TNRC6A: variants seen among roughly 807,000 people sequenced by gnomAD.
TNRC6A encodes trinucleotide repeat-containing gene 6A protein.
A neutral mutation model predicts 221.2 loss-of-function variants in TNRC6A; 44 were observed. The ratio of observed to expected loss-of-function variants is 0.20; its 90% CI spans 0.16 to 0.26. TNRC6A has a LOEUF of 0.26. TNRC6A is among the 10% of genes least tolerant of loss of function. TNRC6A has a pLI of 1.00. For synonymous variants in TNRC6A, 847 were observed against 838.5 expected (o/e 1.01, Z -0.18); for missense variants, 2,199 against 2,404.4 (o/e 0.91, Z 1.79).
chr16:24,823,490 C>G lies in TNRC6A; in HGVS notation c.5572C>G (p.Arg1858Gly). Residue 1858 changes from arginine (R) to glycine (G), a missense_variant, in exon 25 of 25, where the codon CGT becomes GGT. Arg to Gly is a moderately radical substitution (Grantham distance 125). Around this residue, in one of 8 missense-constraint regions of TNRC6A, gnomAD observed 20 missense variants for 25.6 expected, o/e 0.78. Coordinates refer to ENST00000395799, the MANE Select transcript of TNRC6A (RefSeq NM_014494.4). The surrounding 1 kb of genome is among the most constrained non-coding windows in gnomAD (Gnocchi z 4.3). ...GTTTGCCAGTGAAGAGGAGATCAGT[C>G]GTTTCTTTGCACAAAGCCAGTCTCT... is the stretch of plus-strand genomic sequence containing the variant. ...AEFASEEEIS[R>G]FFAQSQSLTP... 6.2e-7 allele frequency: 1 copy of G among 1,614,070 alleles called. No individual in the cohort carries two copies. The highest frequency in any genetic ancestry group is 8.5e-7 in the Non-Finnish European group (1 of 1,179,998).
intron 1 of TNRC6A, among the ~76,000 whole-genome samples, chr16:24,635,072 CTTTT>C (rs1043229792): frequency 6.6e-6 from 1 of 151,234 alleles, no homozygotes; most frequent in African/African-American, 2.4e-5. Flanking sequence ...ACCTTTCTTT[CTTTT>C]TCTTTCTTTC....
chr16:24,623,491 T>C (rs1900792750), intron 1 of TNRC6A, among the ~76,000 whole-genome samples: 1 of 152,148 alleles, frequency 6.6e-6, no homozygotes, highest in African/African-American at 2.4e-5. Flanking sequence ...ATTCTTCATG[T>C]ATCAGCTGGG....
At chr16:24,786,615 G>A (rs1039296125) in intron 5 of TNRC6A, among the ~76,000 whole-genome samples, 1 of 152,154 alleles carries the variant, frequency 6.6e-6, no homozygotes, top group Non-Finnish European at 1.5e-5. Flanking sequence ...CGCCTGGCCA[G>A]TACAGAGTAC....
chr16:24,797,990 A>G (rs1282977656), intron 11 of TNRC6A, 24 bp downstream of exon 11: 1 of 1,597,906 alleles, frequency 6.3e-7, no homozygotes. Flanking sequence ...AAATCTGTTT[A>G]TATTCCTCAT....
intron 2 of TNRC6A, among the ~76,000 whole-genome samples, chr16:24,722,665 C>T (rs972971498): frequency 3.3e-5 from 5 of 151,912 alleles, no homozygotes; most frequent in Non-Finnish European, 7.4e-5. Flanking sequence ...AACTCCTGAC[C>T]CCAAATGATC....
chr16:24,658,190 T>C (rs1391632897), intron 2 of TNRC6A, among the ~76,000 whole-genome samples: 1 of 152,194 alleles, frequency 6.6e-6, no homozygotes, highest in Admixed American at 6.6e-5. Context: ...GTTTTGTTTC[T>C]GCTTGCTGTT....
At chr16:24,745,795 T>TTCC (rs2056994145) in intron 2 of TNRC6A, among the ~76,000 whole-genome samples, 2 of 118,524 alleles carry the variant, frequency 1.7e-5, no homozygotes, top group Non-Finnish European at 3.5e-5. Flanking sequence ...GTATGTACCA[T>TTCC]CCCCCCCCCC....
At position 24,793,457 on chromosome 16, in the gene TNRC6A, C is replaced by T; in HGVS notation, c.3176-16C>T. The T allele has an allele frequency of 7.2e-7, 1 of 1,394,560 alleles. No homozygotes were observed. The allele number at this position is 1,394,560 out of a possible 1,614,324, so 86.4% of individuals were successfully genotyped here. On this transcript the variant is annotated splice_polypyrimidine_tract_variant and intron_variant, in intron 6 of 24. Transcript: ENST00000395799. ...ACCTTCTATGCTGATGACTTCTTTT[C>T]CCACACTTTCTAAAGGCTGGGGTGA...
At chr16:24,704,125 C>T (rs546206164) in intron 2 of TNRC6A, among the ~76,000 whole-genome samples, 8 of 151,228 alleles carry the variant, frequency 5.3e-5, no homozygotes, top group Non-Finnish European at 1.0e-4. Flanking sequence ...GACAAAGTCT[C>T]CTTCTGTTGC....
intron 3 of TNRC6A, among the ~76,000 whole-genome samples, chr16:24,755,116 T>G (rs2057222289): frequency 6.6e-6 from 1 of 152,200 alleles, no homozygotes; most frequent in Non-Finnish European, 1.5e-5. Context: ...TCTCTTTTCC[T>G]CTTTTATAAA....
intron 2 of TNRC6A, among the ~76,000 whole-genome samples, chr16:24,702,136 C>T (rs2055994355): frequency 7.4e-6 from 1 of 135,456 alleles, no homozygotes; most frequent in South Asian, 2.3e-4. Flanking sequence ...GAGGCAGTGT[C>T]CACATTTCGC....
At chr16:24,669,150 G>A (rs1049925657) in intron 2 of TNRC6A, among the ~76,000 whole-genome samples, 1 of 151,992 alleles carries the variant, frequency 6.6e-6, no homozygotes, top group Non-Finnish European at 1.5e-5. Flanking sequence ...AAATAGAGAG[G>A]GGAAACTTGA....
In TNRC6A at chr16:24,824,769, T is replaced by TACAAAAAAA. The variant is rs2058838476; in HGVS notation, c.*963_*964insCAAAAAAAA. 1 of 135,614 alleles carries TACAAAAAAA rather than the reference T, an allele frequency of 7.4e-6. No homozygotes were observed. The allele number at this position is 135,614 out of a possible 1,614,324, so 8.4% of individuals were successfully genotyped here. ...TCTCAGGAAAACCAGTTCCCCAGTTTAAAAAAAAAAAAAAAAATTCCTTGT... is the reference window on the plus strand; with the variant it reads ...TCTCAGGAAAACCAGTTCCCCAGTTTACAAAAAAAAAAAAAAAAAAAAAAAATTCCTTGT... On this transcript the variant is annotated 3_prime_UTR_variant, in exon 25 of 25. Coordinates refer to ENST00000395799, the MANE Select transcript of TNRC6A (RefSeq NM_014494.4).
intron 2 of TNRC6A, among the ~76,000 whole-genome samples, chr16:24,743,554 G>A (rs1453486375): frequency 5.2e-5 from 5 of 96,472 alleles, no homozygotes; most frequent in Non-Finnish European, 1.3e-4. Flanking sequence ...CGAACTCCTG[G>A]GCCCAAGCAA....
chr16:24,801,091 G>GA (rs1374944184), intron 11 of TNRC6A, among the ~76,000 whole-genome samples: 2 of 152,216 alleles, frequency 1.3e-5, no homozygotes, highest in Non-Finnish European at 2.9e-5. Flanking sequence ...AAGGTGCTCT[G>GA]AAAACCACCT....
Position 24,713,450 on chromosome 16 carries a change from AAAAAAAT to A in TNRC6A, n.403-37274_403-37268del, listed in dbSNP as rs1567380129. On this transcript the variant is annotated intron_variant and non_coding_transcript_variant, in intron 2 of 2. Coordinates refer to the TNRC6A transcript ENST00000566108. ...CAAACAAACAAACAAACAAACAAAC[AAAAAAAT>A]ATATATATATATATGTTACCTTTTT... Among the ~76,000 whole-genome samples the A allele has an allele frequency of 8.8e-4, 74 of 84,244 alleles. 1 individual carries two copies. In the South Asian group the frequency reaches 0.019, roughly 22 times the overall value. The allele number at this position is 84,244 out of a possible 152,430, so 55.3% of individuals were successfully genotyped here. A position where few individuals can be genotyped will look rare whatever the true frequency, so the allele number is the denominator to read the frequency against.
chr16:24,808,278 C>G (rs867365513), intron 17 of TNRC6A, among the ~76,000 whole-genome samples: 1 of 152,258 alleles, frequency 6.6e-6, no homozygotes, highest in South Asian at 2.1e-4. Flanking sequence ...TGGCCAGCTT[C>G]TCAGTGAGGG....
At chr16:24,750,702 C>T in intron 2 of TNRC6A, 24 bp from the exon 3 acceptor site, 1 of 1,488,242 alleles carries the variant, frequency 6.7e-7, no homozygotes, top group South Asian at 1.5e-5. Flanking sequence ...TTTTGGGAAA[C>T]TTAATTGCAA....
chr16:24,787,258 G>C (rs2057993997), intron 5 of TNRC6A, among the ~76,000 whole-genome samples: 1 of 152,202 alleles, frequency 6.6e-6, no homozygotes, highest in East Asian at 1.9e-4. Context: ...TGGTCATACA[G>C]AGTCCAGACT....
Sources: gnomAD v4.1 joint callset for allele counts (sites outside exome capture counted in the v4.1 genomes callset) on GRCh38, gnomAD v4.1.1 for gene constraint, gnomAD v4.1.1 regional missense constraint, Gnocchi (gnomAD v3.1) non-coding constraint, MANE v1.5 for transcripts, NCBI Gene and HGNC (gene_info 2026-07-23, HGNC 2026-07-21) for gene names.